The following FOXO3 variants were observed in gnomAD, a reference collection of about 807,000 sequenced individuals.
FOXO3 encodes the protein forkhead box O3.
Under a neutral mutation model 41.9 loss-of-function variants are expected in FOXO3, and 4 were observed. The observed-to-expected ratio is 0.10, with a 90% confidence interval of 0.05 to 0.22. The LOEUF (loss-of-function observed/expected upper bound fraction) is 0.22. Ranked by LOEUF, FOXO3 falls within the 10% of genes least tolerant of loss-of-function variation. The pLI is 1.00. For synonymous variants in FOXO3, 318 were observed against 389.3 expected (o/e 0.82, Z 2.16); for missense variants, 534 against 906.8 (o/e 0.59, Z 5.28).
intron 2 of FOXO3, among the ~76,000 whole-genome samples, chr6:108,667,875 G>A (rs1315532892): frequency 6.6e-6 from 1 of 152,192 alleles, no homozygotes; most frequent in African/African-American, 2.4e-5. Flanking sequence ...GACAGTGGGG[G>A]CTGTGAGGGG....
intron 1 of FOXO3, among the ~76,000 whole-genome samples, chr6:108,648,610 A>G (rs1778458707): frequency 6.6e-6 from 1 of 152,136 alleles, no homozygotes; most frequent in Admixed American, 6.5e-5. Context: ...AGGAGAAGAG[A>G]AGAAAGATGG....
chr6:108,622,196 T>C (rs1582788377), intron 1 of FOXO3, among the ~76,000 whole-genome samples: 1 of 146,608 alleles, frequency 6.8e-6, no homozygotes, highest in African/African-American at 2.6e-5. Context: ...GAAGTGGAGG[T>C]TGCAGTGAGC....
At chr6:108,634,316 G>C (rs1457783177) in intron 1 of FOXO3, among the ~76,000 whole-genome samples, 1 of 152,148 alleles carries the variant, frequency 6.6e-6, no homozygotes, top group Admixed American at 6.6e-5. Flanking sequence ...TATGTGATGA[G>C]GATATTATCT....
chr6:108,649,170 G>A (rs368894323), intron 1 of FOXO3, among the ~76,000 whole-genome samples: 1 of 152,054 alleles, frequency 6.6e-6, no homozygotes, highest in East Asian at 1.9e-4. Context: ...CCTTGCCCCC[G>A]AATCCCACAG....
At chr6:108,649,769 G>A (rs1303339889) in intron 1 of FOXO3, among the ~76,000 whole-genome samples, 1 of 152,052 alleles carries the variant, frequency 6.6e-6, no homozygotes. Context: ...ATAGCTGTTT[G>A]AAAGGATCTG....
In FOXO3 at chr6:108,561,861, C is replaced by T. The variant is rs567164158; in HGVS notation, c.621+32C>T. ...ACCCACCCCGGGCTGGCAGCAGGAC[C>T]CGCCGGGCCTCCTGCGCAGCGCGAG... On this transcript the variant is annotated intron_variant, in intron 1 of 2. Coordinates refer to ENST00000406360, the MANE Select transcript of FOXO3 (RefSeq NM_001455.4). 1.6e-5 allele frequency: 24 copies of T among 1,508,368 alleles called. No individual in the cohort carries two copies. The South Asian group carries it at 3.1e-4, about 19-fold the overall frequency. 93.4% of individuals were successfully genotyped at this position (1,508,368 alleles called of 1,614,324 possible). A position where few individuals can be genotyped will look rare whatever the true frequency, so the allele number is the denominator to read the frequency against.
chr6:108,642,178 T>A (rs890205606), intron 1 of FOXO3, among the ~76,000 whole-genome samples: 1 of 151,492 alleles, frequency 6.6e-6, no homozygotes, highest in Non-Finnish European at 1.5e-5. Context: ...AACCTCCCGT[T>A]CCCAGGCTCA....
chr6:108,609,027 A>G (rs915661734), intron 1 of FOXO3, among the ~76,000 whole-genome samples: 2 of 152,160 alleles, frequency 1.3e-5, no homozygotes, highest in African/African-American at 2.4e-5. Flanking sequence ...ACCTCAAGCT[A>G]TTAAGAATAG....
intron 1 of FOXO3, among the ~76,000 whole-genome samples, chr6:108,655,327 C>T (rs1288099930): frequency 6.6e-6 from 1 of 152,190 alleles, no homozygotes; most frequent in African/African-American, 2.4e-5. Context: ...CACATAAAAT[C>T]ACAGCTTTAA....
intron 1 of FOXO3, among the ~76,000 whole-genome samples, chr6:108,585,335 G>A (rs917423602): frequency 1.6e-4 from 24 of 152,188 alleles, no homozygotes; most frequent in Admixed American, 1.1e-3. Context: ...GAGCCACCGC[G>A]CCCGGCCTCT....
intron 2 of FOXO3, among the ~76,000 whole-genome samples, chr6:108,670,184 G>A (rs1269746916): frequency 6.6e-6 from 1 of 152,040 alleles, no homozygotes; most frequent in Non-Finnish European, 1.5e-5. Context: ...TTTGCTGACT[G>A]CTTTCTCTTC....
At chr6:108,674,955 G>T (rs1179133379) in intron 2 of FOXO3, among the ~76,000 whole-genome samples, 5 of 152,046 alleles carry the variant, frequency 3.3e-5, no homozygotes, top group Admixed American at 2.6e-4. Context: ...AGAATCTTAA[G>T]AAAATACTAA....
At chr6:108,613,457 G>A (rs560326792) in intron 1 of FOXO3, among the ~76,000 whole-genome samples, 2 of 152,198 alleles carry the variant, frequency 1.3e-5, no homozygotes, top group South Asian at 4.1e-4. Context: ...ATGAGTTTTG[G>A]TAGTCTGTGT....
chr6:108,678,848 C>T (rs1403823420), intron 2 of FOXO3, among the ~76,000 whole-genome samples: 1 of 148,982 alleles, frequency 6.7e-6, no homozygotes, highest in East Asian at 2.0e-4. Context: ...GGCAACATAG[C>T]AAGACCCCAT....
At chr6:108,581,872 A>G (rs946943077) in intron 1 of FOXO3, among the ~76,000 whole-genome samples, 5 of 152,230 alleles carry the variant, frequency 3.3e-5, no homozygotes, top group Non-Finnish European at 5.9e-5. Flanking sequence ...TTCATGAAAA[A>G]TGATCTGTGG....
At chr6:108,600,419 C>G (rs1256198321) in intron 1 of FOXO3, among the ~76,000 whole-genome samples, 1 of 151,860 alleles carries the variant, frequency 6.6e-6, no homozygotes, top group African/African-American at 2.4e-5. Flanking sequence ...TGGTGGTACA[C>G]TCCTGTAATC....
rs1280290036 is a variant in FOXO3, at chr6:108,561,056, C to T, written c.-153C>T. 1.7e-5 allele frequency: 24 copies of T among 1,414,822 alleles called. No homozygotes were observed. Among genetic ancestry groups the T allele is most frequent in the Admixed American group, 3.5e-5 (1 of 28,840 alleles). 87.6% of individuals were successfully genotyped at this position (1,414,822 alleles called of 1,614,324 possible). ...GGGCTCCGGCCCGGGATAACCAACT[C>T]TCCTTCTCTCTTCTTTGGTGCTTCC... On this transcript the variant is annotated 5_prime_UTR_variant, in exon 1 of 3. Coordinates refer to ENST00000406360, the MANE Select transcript of FOXO3 (RefSeq NM_001455.4).
intron 2 of FOXO3, among the ~76,000 whole-genome samples, chr6:108,672,500 C>T (rs1478563423): frequency 6.6e-6 from 1 of 152,196 alleles, no homozygotes. Flanking sequence ...GTCTTTCCTG[C>T]TCAGTAATAG....
At chr6:108,666,502 ATT>A (rs772194341) in intron 2 of FOXO3, among the ~76,000 whole-genome samples, 2 of 141,652 alleles carry the variant, frequency 1.4e-5, no homozygotes, top group Non-Finnish European at 3.1e-5. Context: ...CGCCTGGCTA[ATT>A]TTTTTTTTTT....
Sources: allele counts gnomAD v4.1 joint callset (sites outside exome capture counted in the v4.1 genomes callset), GRCh38; gene constraint gnomAD v4.1.1; transcripts MANE v1.5; gene names NCBI Gene and HGNC (gene_info 2026-07-23, HGNC 2026-07-21).